REDIC1: variants seen among roughly 807,000 people sequenced by gnomAD.
The protein encoded by REDIC1 is HEI10 Interacting Protein 1.
At chr12:39,728,616 T>C in the REDIC1 span, among the ~76,000 whole-genome samples, 3 of 152,256 alleles carry the variant, frequency 2.0e-5, 1 homozygote, top group South Asian at 6.2e-4. Flanking sequence ...TGTTTTTTTA[T>C]TGTGTCTCTG....
the REDIC1 span, among the ~76,000 whole-genome samples, chr12:39,810,186 C>T: frequency 6.6e-6 from 1 of 152,102 alleles, no homozygotes; most frequent in Non-Finnish European, 1.5e-5. Context: ...CGAGTGTGAT[C>T]TACTTAGTTA....
chr12:39,630,632 T>C, the REDIC1 span, among the ~76,000 whole-genome samples: 1 of 152,190 alleles, frequency 6.6e-6, no homozygotes, highest in South Asian at 2.1e-4. Context: ...CAAAATAGGA[T>C]ATAAAAAATA....
chr12:39,646,471 A>G, the REDIC1 span: 1 of 1,553,432 alleles, frequency 6.4e-7, no homozygotes, highest in Non-Finnish European at 8.7e-7. Context: ...AGTAGGTTTT[A>G]GCTAGGATTT....
At chr12:39,838,265 C>T in the REDIC1 span, among the ~76,000 whole-genome samples, 1 of 148,980 alleles carries the variant, frequency 6.7e-6, no homozygotes, top group African/African-American at 2.5e-5. Flanking sequence ...ACCGCATATT[C>T]TCACTCGTAG....
At chr12:39,780,385 T>C in the REDIC1 span, among the ~76,000 whole-genome samples, 4 of 152,170 alleles carry the variant, frequency 2.6e-5, no homozygotes, top group Admixed American at 2.6e-4. Flanking sequence ...AGAGATGAAA[T>C]GAAAACTGCT....
chr12:39,901,499 AAAAC>A, the REDIC1 span, among the ~76,000 whole-genome samples: 2 of 139,188 alleles, frequency 1.4e-5, no homozygotes, highest in East Asian at 2.1e-4. Flanking sequence ...TTACAAGAAA[AAAAC>A]AAACAACCCC....
At chr12:39,839,751 T>C in the REDIC1 span, among the ~76,000 whole-genome samples, 1 of 152,040 alleles carries the variant, frequency 6.6e-6, no homozygotes, top group South Asian at 2.1e-4. Context: ...CTATAACCAA[T>C]ACACTGAGCC....
the REDIC1 span, among the ~76,000 whole-genome samples, chr12:39,694,615 C>T: frequency 6.6e-6 from 1 of 152,162 alleles, no homozygotes. Flanking sequence ...ATAAGCCCTC[C>T]TATTATGGGC....
At chr12:39,711,523 ATATGTGTATATACATATATG>A in the REDIC1 span, among the ~76,000 whole-genome samples, 2 of 140,346 alleles carry the variant, frequency 1.4e-5, no homozygotes, top group Non-Finnish European at 3.1e-5. Context: ...ATATATGTGT[ATATGTGTATATACATATATG>A]TATGTGCATA....
the REDIC1 span, chr12:39,830,262 A>C: frequency 6.2e-7 from 1 of 1,603,162 alleles, no homozygotes; most frequent in African/African-American, 1.3e-5. Context: ...TCATGTTGGC[A>C]GAGACAACTG....
At chr12:39,787,838 C>T in the REDIC1 span, among the ~76,000 whole-genome samples, 1 of 152,126 alleles carries the variant, frequency 6.6e-6, no homozygotes, top group African/African-American at 2.4e-5. Flanking sequence ...CCAAATGCAT[C>T]AAGTTTACTG....
the REDIC1 span, among the ~76,000 whole-genome samples, chr12:39,837,566 G>A: frequency 7.0e-6 from 1 of 143,774 alleles, no homozygotes; most frequent in Non-Finnish European, 1.5e-5. Context: ...CTACAAAATG[G>A]GAGAAAATTT....
the REDIC1 span, among the ~76,000 whole-genome samples, chr12:39,658,087 CT>C: frequency 2.6e-3 from 390 of 147,616 alleles, 2 homozygotes; most frequent in African/African-American, 8.7e-3. Flanking sequence ...CATCAAAATA[CT>C]TTTTTTTTTT....
chr12:39,759,930 G>T, the REDIC1 span: 1 of 875,016 alleles, frequency 1.1e-6, no homozygotes, highest in Non-Finnish European at 1.8e-6. Flanking sequence ...CTAGGCTGTG[G>T]AAAGAACCAG....
the REDIC1 span, among the ~76,000 whole-genome samples, chr12:39,630,818 A>G: frequency 6.6e-6 from 1 of 151,774 alleles, no homozygotes; most frequent in South Asian, 2.1e-4. Flanking sequence ...CTAGACAAAG[A>G]AGTTGAAAAT....
At chr12:39,887,509 A>T in the REDIC1 span, among the ~76,000 whole-genome samples, 1 of 152,198 alleles carries the variant, frequency 6.6e-6, no homozygotes, top group African/African-American at 2.4e-5. Context: ...AAAAAAGGGG[A>T]TAAAAAAGGG....
the REDIC1 span, among the ~76,000 whole-genome samples, chr12:39,737,127 G>A: frequency 1.1e-4 from 17 of 152,092 alleles, no homozygotes; most frequent in Admixed American, 7.2e-4. Context: ...TCCAAATAAT[G>A]CTTTTTTCCA....
chr12:39,827,953 A>G, the REDIC1 span, among the ~76,000 whole-genome samples: 1 of 152,144 alleles, frequency 6.6e-6, no homozygotes, highest in African/African-American at 2.4e-5. Flanking sequence ...CGACCTTGAA[A>G]TATCTAGAGA....
the REDIC1 span, chr12:39,647,740 C>T: frequency 1.2e-5 from 15 of 1,248,212 alleles, no homozygotes; most frequent in Non-Finnish European, 1.5e-5. Flanking sequence ...CTTTCCTCTT[C>T]TCTAGTTTAT....
Sources: allele counts gnomAD v4.1 joint callset (sites outside exome capture counted in the v4.1 genomes callset), GRCh38; gene constraint gnomAD v4.1.1; transcripts MANE v1.5; gene names NCBI Gene and HGNC (gene_info 2026-07-23, HGNC 2026-07-21).